CEP83: variants seen among roughly 807,000 people sequenced by gnomAD.
CEP83 encodes the protein centrosomal protein 83.
A neutral mutation model predicts 101.9 loss-of-function variants in CEP83; 70 were observed. The observed-to-expected ratio is 0.69, with a 90% confidence interval of 0.57 to 0.84. The LOEUF is 0.84. CEP83 is among the 40% of genes least tolerant of loss of function. The probability of loss-of-function intolerance (pLI) is 0.00; values close to 1 mark genes in which losing one functional copy is unlikely to be tolerated. For synonymous variants in CEP83, 264 were observed against 267.9 expected (o/e 0.99, Z 0.14); for missense variants, 715 against 787.2 (o/e 0.91, Z 1.10).
intron 2 of CEP83, among the ~76,000 whole-genome samples, chr12:94,426,768 G>C (rs2065233684): frequency 6.6e-6 from 1 of 152,170 alleles, no homozygotes; most frequent in South Asian, 2.1e-4. Context: ...CCTTCTAAGA[G>C]AGAAGGAGAG....
At chr12:94,417,666 G>C (rs2064385107) in intron 2 of CEP83, among the ~76,000 whole-genome samples, 2 of 152,104 alleles carry the variant, frequency 1.3e-5, no homozygotes, top group Non-Finnish European at 2.9e-5. Context: ...GTGCACGTCT[G>C]TCATCTCAGC....
chr12:94,457,638 A>G (rs1303584564), intron 1 of CEP83, among the ~76,000 whole-genome samples: 1 of 152,250 alleles, frequency 6.6e-6, no homozygotes, highest in East Asian at 1.9e-4. Flanking sequence ...AATTAAGTCC[A>G]TGGATTTTAG....
chr12:94,347,740 C>A (rs1473927713), intron 11 of CEP83, among the ~76,000 whole-genome samples: 3 of 152,086 alleles, frequency 2.0e-5, no homozygotes, highest in Non-Finnish European at 4.4e-5. Flanking sequence ...ACATGGGCTA[C>A]TGATACACTC....
intron 4 of CEP83, among the ~76,000 whole-genome samples, chr12:94,410,734 T>C (rs2063827436): frequency 6.6e-6 from 1 of 152,182 alleles, no homozygotes; most frequent in South Asian, 2.1e-4. Context: ...AAATTACATT[T>C]CCCTCTTCGA....
intron 14 of CEP83, among the ~76,000 whole-genome samples, chr12:94,322,056 C>T (rs1002734195): frequency 1.3e-5 from 2 of 151,974 alleles, no homozygotes; most frequent in African/African-American, 2.4e-5. Context: ...CAGGGAGGCA[C>T]GGACCTGTTG....
At chr12:94,385,981 T>C (rs191981700) in intron 6 of CEP83, among the ~76,000 whole-genome samples, 6 of 152,316 alleles carry the variant, frequency 3.9e-5, no homozygotes, top group African/African-American at 1.4e-4. Context: ...CTAGGAGTAA[T>C]AGGCTGTACC....
At chr12:94,337,285 A>T (rs1190378747) in intron 11 of CEP83, among the ~76,000 whole-genome samples, 1 of 152,230 alleles carries the variant, frequency 6.6e-6, no homozygotes, top group Non-Finnish European at 1.5e-5. Flanking sequence ...AACTAAATGA[A>T]AATATGAACT....
At chr12:94,327,357 T>C (rs954225607) in intron 14 of CEP83, among the ~76,000 whole-genome samples, 3 of 152,184 alleles carry the variant, frequency 2.0e-5, no homozygotes, top group Non-Finnish European at 2.9e-5. Flanking sequence ...TCCCATAACA[T>C]CACAATATAG....
At position 94,367,846 on chromosome 12, in the gene CEP83, G is replaced by T. The variant is rs111647062; in HGVS notation, c.1291C>A (p.Arg431=). ...ATCTCTTCTGCCATCTGTGAAGCCC[G>T]CAATTTCTCTTCATACTGATCCTTT... is the stretch of plus-strand genomic sequence containing the variant. ...SEKDQYEEKL[R]ASQMAEEITR... Residue 431 remains arginine (R), a synonymous_variant, in exon 11 of 17, where the codon CGG becomes AGG. Transcript: ENST00000397809. 18 of 1,613,186 alleles carry T rather than the reference G, an allele frequency of 1.1e-5. No individual in the cohort carries two copies. Among genetic ancestry groups the T allele is most frequent in the Non-Finnish European group, 1.4e-5 (17 of 1,179,680 alleles).
At chr12:94,348,914 T>C (rs7297475) in intron 11 of CEP83, among the ~76,000 whole-genome samples, 21,215 of 152,122 alleles carry the variant, frequency 0.14, 2,186 homozygotes, top group African/African-American at 0.29. Flanking sequence ...CAACTGACTA[T>C]GACTTCTTTA....
intron 2 of CEP83, among the ~76,000 whole-genome samples, chr12:94,425,142 G>T (rs1157544970): frequency 1.3e-5 from 2 of 150,796 alleles, no homozygotes; most frequent in East Asian, 3.9e-4. Context: ...AGAGATGAAG[G>T]GGGGCTGCCT....
intron 11 of CEP83, chr12:94,335,885 G>A: frequency 2.0e-6 from 1 of 489,642 alleles, no homozygotes; most frequent in Non-Finnish European, 3.6e-6. Flanking sequence ...GGCATAGAGA[G>A]GATAAGAAAT....
the CEP83 span, among the ~76,000 whole-genome samples, chr12:94,279,217 A>G: frequency 1.3e-5 from 2 of 152,144 alleles, no homozygotes; most frequent in Non-Finnish European, 2.9e-5. Context: ...TTATGTGTAT[A>G]TGTATATTTT....
chr12:94,315,823 C>G (rs1565896799), intron 14 of CEP83, among the ~76,000 whole-genome samples: 1 of 151,976 alleles, frequency 6.6e-6, no homozygotes, highest in Non-Finnish European at 1.5e-5. Flanking sequence ...GCAGTGGTAC[C>G]TTTAGTGTAA....
chr12:94,350,789 A>C (rs1445000792), intron 11 of CEP83, among the ~76,000 whole-genome samples: 2 of 152,226 alleles, frequency 1.3e-5, no homozygotes, highest in Admixed American at 1.3e-4. Context: ...AATAAAAAAT[A>C]AAATTTTTAA....
At position 94,400,932 on chromosome 12, in the gene CEP83, G is replaced by A. The variant is rs749314948; in HGVS notation, c.467C>T (p.Thr156Ile). ...AVYNKLRYEH[T>I]FLKSEFEHQK... is the part of the protein sequence containing the mutation. Reference sequence around the variant, plus strand: ...GTGTTCAAATTCTGACTTGAGAAATGTATGTTCATAGCGAAGCTTATTATA... The same window carrying A: ...GTGTTCAAATTCTGACTTGAGAAATATATGTTCATAGCGAAGCTTATTATA... Residue 156 changes from threonine to isoleucine, a missense_variant, in exon 6 of 17, where the codon ACA (threonine) becomes ATA (isoleucine). Physicochemically the swap from Thr to Ile is moderately conservative, Grantham distance 89. Coordinates refer to ENST00000397809, the MANE Select transcript of CEP83 (RefSeq NM_016122.3). The A allele has an allele frequency of 6.6e-7, 1 of 1,511,204 alleles. No individual in the cohort carries two copies. Among genetic ancestry groups the A allele is most frequent in the South Asian group, 1.4e-5 (1 of 70,434 alleles). 93.6% of individuals were successfully genotyped at this position (1,511,204 alleles called of 1,614,324 possible). A position where few individuals can be genotyped will look rare whatever the true frequency, so the allele number is the denominator to read the frequency against.
At chr12:94,422,252 C>T (rs747078611) in intron 2 of CEP83, among the ~76,000 whole-genome samples, 43 of 152,170 alleles carry the variant, frequency 2.8e-4, no homozygotes, top group Non-Finnish European at 8.8e-5. Context: ...ATAGCATGGA[C>T]GCATTAGATT....
chr12:94,395,270 C>A (rs1360934860), intron 6 of CEP83, among the ~76,000 whole-genome samples: 1 of 151,506 alleles, frequency 6.6e-6, no homozygotes, highest in Non-Finnish European at 1.5e-5. Flanking sequence ...CCCGACATGG[C>A]ACATGTATAC....
the CEP83 span, among the ~76,000 whole-genome samples, chr12:94,287,359 C>G: frequency 6.6e-6 from 1 of 152,200 alleles, no homozygotes; most frequent in Non-Finnish European, 1.5e-5. Flanking sequence ...GGCATGTGCA[C>G]CTGCATGTTC....
Sources: gnomAD v4.1 joint callset for allele counts (sites outside exome capture counted in the v4.1 genomes callset) on GRCh38, gnomAD v4.1.1 for gene constraint, MANE v1.5 for transcripts, NCBI Gene and HGNC (gene_info 2026-07-23, HGNC 2026-07-21) for gene names.